MEGF6: variants seen among roughly 807,000 people sequenced by gnomAD.
The protein encoded by MEGF6 is multiple EGF like domains 6.
In MEGF6, 184 loss-of-function variants were observed where a neutral mutation model predicts 207.1. That is an observed-to-expected ratio of 0.89 (90% confidence interval 0.79 to 1.00). The LOEUF (loss-of-function observed/expected upper bound fraction) is 1.00. MEGF6 is among the 50% of genes least tolerant of loss of function. The probability of loss-of-function intolerance (pLI) is 0.00; values close to 1 mark genes in which losing one functional copy is unlikely to be tolerated. For missense variants in MEGF6, 2,282 were observed against 2,202.9 expected (o/e 1.04, Z -0.72); for synonymous variants, 1,038 against 910.0 (o/e 1.14, Z -2.53).
At position 3,611,205 on chromosome 1, in the gene MEGF6, G is replaced by A. The variant is rs759429662; in HGVS notation, c.64C>T (p.Leu22=). 1.3e-6 allele frequency: 2 copies of A among 1,556,904 alleles called. No individual in the cohort carries two copies. The highest frequency in any genetic ancestry group is 1.7e-6 in the Non-Finnish European group (2 of 1,161,984). The change falls in exon 1 of 37, where the codon CTG becomes TTG. Residue 22 remains leucine, a synonymous_variant. Coordinates refer to ENST00000356575, the MANE Select transcript of MEGF6 (RefSeq NM_001409.4). ...GCGCCCACGGGCACGGCGGGGAGCA[G>A]CAGCAGCACCAACGCCAGGACCACC... ...RAVVLALVLL[L]LPAVPVGASV...
intron 5 of MEGF6, among the ~76,000 whole-genome samples, chr1:3,522,282 G>A (rs1641782676): frequency 6.6e-6 from 1 of 152,150 alleles, no homozygotes; most frequent in South Asian, 2.1e-4. Flanking sequence ...CCTCCATGGG[G>A]TGAGGAAGCC....
chr1:3,532,846 C>T (rs569947253), intron 4 of MEGF6, among the ~76,000 whole-genome samples: 47 of 152,342 alleles, frequency 3.1e-4, no homozygotes, highest in African/African-American at 1.1e-3. Flanking sequence ...CTGTGCCAGG[C>T]CCTGGGTTCT....
Position 3,512,017 on chromosome 1 carries a change from C to T in MEGF6, c.965G>A (p.Arg322Gln), listed in dbSNP as rs151084940. Residue 322 changes from arginine (R) to glutamine (Q), a missense_variant, in exon 8 of 37, where the codon CGG (arginine) becomes CAG (glutamine). Coordinates refer to ENST00000356575, the MANE Select transcript of MEGF6 (RefSeq NM_001409.4). ...HAGYELGADG[R>Q]QCYRIEMEIV... ...GGCTGCCCACTCACGGTAGCACTGCCGGCCATCGGCGCCCAGCTCATAGCC... is the reference window on the plus strand; with the variant it reads ...GGCTGCCCACTCACGGTAGCACTGCTGGCCATCGGCGCCCAGCTCATAGCC... 54 of 1,612,366 alleles carry T rather than the reference C, an allele frequency of 3.3e-5. No homozygotes were observed. The highest frequency in any genetic ancestry group is 1.4e-4 in the South Asian group (13 of 91,046).
chr1:3,596,528 C>T (rs376254198), intron 2 of MEGF6, among the ~76,000 whole-genome samples: 21 of 93,130 alleles, frequency 2.3e-4, no homozygotes, highest in South Asian at 4.6e-4. Context: ...CAGGGCACCC[C>T]GCGCCATCCC....
At position 3,497,168 on chromosome 1, in the gene MEGF6, C is replaced by T. The variant is rs749151994; in HGVS notation, c.3482-49G>A. On this transcript the variant is annotated intron_variant, in intron 27 of 36. Coordinates refer to ENST00000356575, the MANE Select transcript of MEGF6 (RefSeq NM_001409.4). Reference sequence around the variant, plus strand: ...GTCCTGGCCCAGCCCCGCCAAGGAACAGGCAGCCTCTCTGGATTCCCCCTG... The same window carrying T: ...GTCCTGGCCCAGCCCCGCCAAGGAATAGGCAGCCTCTCTGGATTCCCCCTG... 8 of 1,542,464 alleles carry T rather than the reference C, an allele frequency of 5.2e-6. No individual in the cohort carries two copies. The Admixed American group carries it at 5.8e-5, about 11-fold the overall frequency.
chr1:3,571,339 C>G (rs926189914), intron 4 of MEGF6, among the ~76,000 whole-genome samples: 1 of 152,166 alleles, frequency 6.6e-6, no homozygotes, highest in East Asian at 1.9e-4. Context: ...TGTTCTTGCT[C>G]TCAGAGGACT....
intron 4 of MEGF6, among the ~76,000 whole-genome samples, chr1:3,550,915 C>T (rs893148348): frequency 1.3e-5 from 2 of 152,260 alleles, no homozygotes; most frequent in Admixed American, 1.3e-4. Flanking sequence ...GACAGTGGGG[C>T]TCTCAGATCA....
intron 4 of MEGF6, among the ~76,000 whole-genome samples, chr1:3,537,202 A>G (rs1325892358): frequency 6.6e-6 from 1 of 152,250 alleles, no homozygotes; most frequent in East Asian, 1.9e-4. Flanking sequence ...CAGGCAGCCC[A>G]GTGCCCAGCC....
chr1:3,537,605 C>T (rs1240986044), intron 4 of MEGF6, among the ~76,000 whole-genome samples: 1 of 152,272 alleles, frequency 6.6e-6, no homozygotes, highest in Non-Finnish European at 1.5e-5. Context: ...TCACTCTTCC[C>T]CGCTCCCACG....
intron 24 of MEGF6, 96 bp downstream of exon 24, chr1:3,499,042 C>T: frequency 1.3e-6 from 2 of 1,513,438 alleles, no homozygotes; most frequent in Non-Finnish European, 1.8e-6. Flanking sequence ...CCCTTCCTCC[C>T]TCCCCCAGGC....
At chr1:3,538,566 G>A (rs528245243) in intron 4 of MEGF6, among the ~76,000 whole-genome samples, 1 of 152,302 alleles carries the variant, frequency 6.6e-6, no homozygotes, top group African/African-American at 2.4e-5. Context: ...CCAGCCCCCA[G>A]GTGAGCCCAC....
At chr1:3,514,498 T>A in intron 7 of MEGF6, 52 bp downstream of exon 7, 3 of 1,541,180 alleles carry the variant, frequency 1.9e-6, no homozygotes, top group Admixed American at 1.8e-5. Context: ...CCACAGCACC[T>A]GGGTGCGCTT....
At chr1:3,500,869 G>A (rs1640829736) in intron 20 of MEGF6, 97 bp downstream of exon 20, 2 of 1,596,348 alleles carry the variant, frequency 1.3e-6, no homozygotes, top group East Asian at 4.5e-5. Context: ...AAGGCCTCCT[G>A]CAAGCCCCTA....
chr1:3,523,601 C>A (rs888707441), intron 5 of MEGF6, among the ~76,000 whole-genome samples: 2 of 152,192 alleles, frequency 1.3e-5, no homozygotes, highest in Non-Finnish European at 2.9e-5. Context: ...GGGCAGGGAT[C>A]ACCTGGGCCC....
intron 4 of MEGF6, among the ~76,000 whole-genome samples, chr1:3,539,383 G>C (rs571811303): frequency 6.6e-5 from 10 of 152,198 alleles, no homozygotes; most frequent in South Asian, 2.1e-4. Context: ...CGACGGGAGA[G>C]GGGGAGGCTC....
chr1:3,494,228 C>T, intron 32 of MEGF6, 104 bp from the exon 33 acceptor site: 2 of 1,477,346 alleles, frequency 1.4e-6, no homozygotes, highest in East Asian at 4.9e-5. Context: ...GAGAAAAGCC[C>T]CCTCCTGCCC....
chr1:3,528,974 C>T (rs1642057242), intron 4 of MEGF6, among the ~76,000 whole-genome samples: 1 of 113,456 alleles, frequency 8.8e-6, no homozygotes, highest in Non-Finnish European at 1.9e-5. Context: ...TCAGGAGTCA[C>T]AGACACTCGG....
At chr1:3,605,122 T>C (rs1644223440) in intron 1 of MEGF6, among the ~76,000 whole-genome samples, 1 of 142,480 alleles carries the variant, frequency 7.0e-6, no homozygotes, top group Non-Finnish European at 1.5e-5. Context: ...TCACAACCAC[T>C]CATACACACA....
chr1:3,512,043 C>T lies in MEGF6; in HGVS notation c.939G>A (p.Ala313=), dbSNP rs1165361728. 2.5e-6 allele frequency: 4 copies of T among 1,612,776 alleles called. No homozygotes were observed. Among genetic ancestry groups the T allele is most frequent in the South Asian group, 1.1e-5 (1 of 91,072 alleles). ...TQGSFKCVCH[A]GYELGADGRQ... ...GGCCATCGGCGCCCAGCTCATAGCC[C>T]GCGTGACACACGCACTTGAAGGACC... The change falls in exon 8 of 37, where the codon GCG becomes GCA. Residue 313 remains alanine, a synonymous_variant. Coordinates refer to ENST00000356575, the MANE Select transcript of MEGF6 (RefSeq NM_001409.4).
Sources: allele counts gnomAD v4.1 joint callset (sites outside exome capture counted in the v4.1 genomes callset), GRCh38; gene constraint gnomAD v4.1.1; transcripts MANE v1.5; gene names NCBI Gene and HGNC (gene_info 2026-07-23, HGNC 2026-07-21).